The following ASXL2 variants were observed in gnomAD, a reference collection of about 807,000 sequenced individuals.
ASXL2 encodes the protein putative Polycomb group protein ASXL2.
ASXL2 carries 23 observed loss-of-function variants against 122.0 expected under a neutral mutation model. The ratio of observed to expected loss-of-function variants is 0.19; its 90% CI spans 0.14 to 0.27. The LOEUF (loss-of-function observed/expected upper bound fraction) is 0.27. ASXL2 is among the 10% of genes least tolerant of loss of function. The probability of loss-of-function intolerance (pLI) is 1.00; values close to 1 mark genes in which losing one functional copy is unlikely to be tolerated. For missense variants in ASXL2, 1,518 were observed against 1,713.8 expected, an observed-to-expected ratio of 0.89 and a Z score of 2.02; for synonymous variants, 650 against 637.0, an observed-to-expected ratio of 1.02 and a Z score of -0.31.
chr2:25,877,545 G>A (rs1358800490), intron 1 of ASXL2, among the ~76,000 whole-genome samples: 1 of 151,092 alleles, frequency 6.6e-6, no homozygotes, highest in African/African-American at 2.5e-5. Flanking sequence ...AGGTCTCTAC[G>A]GAAACAGGAA....
intron 1 of ASXL2, among the ~76,000 whole-genome samples, chr2:25,866,899 A>AT (rs888834950): frequency 5.5e-5 from 8 of 146,422 alleles, no homozygotes; most frequent in East Asian, 2.0e-4. Context: ...CGTCCAGCTA[A>AT]TTTTTTTTTT....
chr2:25,818,326 T>G (rs981670073), intron 3 of ASXL2, among the ~76,000 whole-genome samples: 1 of 152,120 alleles, frequency 6.6e-6, no homozygotes, highest in Non-Finnish European at 1.5e-5. Context: ...CTGGCCAAAA[T>G]GGCGAAACCC....
intron 1 of ASXL2, among the ~76,000 whole-genome samples, chr2:25,861,450 CA>C (rs1221885534): frequency 6.6e-6 from 1 of 152,198 alleles, no homozygotes; most frequent in African/African-American, 2.4e-5. Context: ...TATCATCTAT[CA>C]AAGAAACTGA....
rs950847836 is a variant in ASXL2, at chr2:25,741,869, G to A, written c.*160C>T. 2.9e-5 allele frequency: 20 copies of A among 693,486 alleles called. No individual in the cohort carries two copies. The highest frequency in any genetic ancestry group is 5.5e-5 in the East Asian group (2 of 36,588). The allele number at this position is 693,486 out of a possible 1,614,324, so 43.0% of individuals were successfully genotyped here. On this transcript the variant is annotated 3_prime_UTR_variant, in exon 13 of 13. Coordinates refer to ENST00000435504, the MANE Select transcript of ASXL2 (RefSeq NM_018263.6). ...ATACAAGGTGCTCTTCCTCTAAAAT[G>A]TAAAAAATCTGTACTTTGTATTCCT...
At chr2:25,855,899 A>T (rs1320258097) in intron 1 of ASXL2, among the ~76,000 whole-genome samples, 2 of 148,918 alleles carry the variant, frequency 1.3e-5, no homozygotes. Flanking sequence ...TTATTTATTT[A>T]TTTATTTATT....
At chr2:25,803,962 T>A (rs1430473017) in intron 4 of ASXL2, among the ~76,000 whole-genome samples, 2 of 152,082 alleles carry the variant, frequency 1.3e-5, no homozygotes, top group African/African-American at 4.8e-5. Flanking sequence ...TAACGGTGTA[T>A]GAGAATAGGG....
rs2149153359 is a variant in ASXL2 at position 25,768,819 on chromosome 2, C to T, written c.554G>A (p.Ser185Asn). The change falls in exon 7 of 13, where the codon AGC becomes AAC. Residue 185 changes from serine (S) to asparagine (N), a missense_variant. Coordinates refer to ENST00000435504, the MANE Select transcript of ASXL2 (RefSeq NM_018263.6). Reference protein sequence around the residue: ...QKKQQQQCRPSISISSNQHLS... With the variant: ...QKKQQQQCRPNISISSNQHLS... ...ATGCTGGTTGGAGGAGATGGATATG[C>T]TTGGCCTGCATTGCTGCTGCTGCTT... 4.3e-6 allele frequency: 7 copies of T among 1,613,812 alleles called. No homozygotes were observed. The highest frequency in any genetic ancestry group is 5.9e-6 in the Non-Finnish European group (7 of 1,179,766).
At chr2:25,829,289 T>TACACACACACACAC (rs148405440) in intron 3 of ASXL2, among the ~76,000 whole-genome samples, 6 of 145,614 alleles carry the variant, frequency 4.1e-5, no homozygotes, top group Admixed American at 1.4e-4. Flanking sequence ...CACATACACA[T>TACACACACACACAC]ACACACACAC....
chr2:25,806,991 T>A (rs2089092187), intron 3 of ASXL2, among the ~76,000 whole-genome samples: 1 of 152,012 alleles, frequency 6.6e-6, no homozygotes, highest in South Asian at 2.1e-4. Flanking sequence ...TTTAAAATAG[T>A]GCTATAATAC....
intron 5 of ASXL2, among the ~76,000 whole-genome samples, chr2:25,793,470 G>A (rs1351184739): frequency 4.6e-5 from 7 of 152,256 alleles, no homozygotes; most frequent in African/African-American, 1.7e-4. Context: ...AGATGCATTT[G>A]AGTTAAAAGC....
rs550331867 is a variant in ASXL2 at position 25,739,457 on chromosome 2, G to C, written c.*2572C>G. ...CTGTGTTGAAACCAACTGATAAATA[G>C]ACTGGTATTCAAGTTACTACCCAAC... On this transcript the variant is annotated 3_prime_UTR_variant, in exon 13 of 13. Coordinates refer to ENST00000435504, the MANE Select transcript of ASXL2 (RefSeq NM_018263.6). 8.3e-5 allele frequency: 15 copies of C among 181,296 alleles called. No homozygotes were observed. Among genetic ancestry groups the C allele is most frequent in the Non-Finnish European group, 8.2e-5 (7 of 85,212 alleles). 11.2% of individuals were successfully genotyped at this position (181,296 alleles called of 1,614,324 possible).
At chr2:25,827,213 G>C (rs947098687) in intron 3 of ASXL2, among the ~76,000 whole-genome samples, 2 of 151,904 alleles carry the variant, frequency 1.3e-5, no homozygotes, top group South Asian at 4.2e-4. Flanking sequence ...TATCCACTTA[G>C]ACATATATCT....
At position 25,799,520 on chromosome 2, in the gene ASXL2, C is replaced by T. The variant is rs1352545054; in HGVS notation, c.268G>A (p.Gly90Arg). Reference protein sequence around the residue: ...VYTLKKDVPDGVKELSEGSEE... With the variant: ...VYTLKKDVPDRVKELSEGSEE... ...GAACCTTCTGACAGCTCTTTCACCC[C>T]ATCCGGCACATCTTTCTGAAAATGT... is the stretch of plus-strand genomic sequence containing the variant. Residue 90 changes from glycine to arginine, a missense_variant, in exon 5 of 13, where the codon GGG becomes AGG. This residue lies in a region of ASXL2 where 198 missense variants were observed against 209.0 expected (regional missense o/e 0.95). Coordinates refer to ENST00000435504, the MANE Select transcript of ASXL2 (RefSeq NM_018263.6). The T allele has an allele frequency of 1.2e-6, 2 of 1,611,346 alleles. No homozygotes were observed. The highest frequency in any genetic ancestry group is 3.4e-5 in the Admixed American group (2 of 59,430).
intron 5 of ASXL2, among the ~76,000 whole-genome samples, chr2:25,794,380 AAGGC>A (rs1455723074): frequency 3.3e-4 from 50 of 152,352 alleles, no homozygotes; most frequent in Middle Eastern, 3.4e-3. Flanking sequence ...TTTTGGGGAA[AAGGC>A]AGAGACTTCA....
At chr2:25,867,880 G>A (rs1285813275) in intron 1 of ASXL2, among the ~76,000 whole-genome samples, 1 of 152,102 alleles carries the variant, frequency 6.6e-6, no homozygotes, top group African/African-American at 2.4e-5. Flanking sequence ...CATCGTCCTA[G>A]AATACCCAAG....
At chr2:25,747,630 G>A (rs1240860000) in intron 12 of ASXL2, among the ~76,000 whole-genome samples, 1 of 152,190 alleles carries the variant, frequency 6.6e-6, no homozygotes, top group Non-Finnish European at 1.5e-5. Context: ...CTGTTTACAG[G>A]TGAGAAAATA....
chr2:25,819,185 G>A (rs913358833), intron 3 of ASXL2, among the ~76,000 whole-genome samples: 1 of 152,256 alleles, frequency 6.6e-6, no homozygotes, highest in Non-Finnish European at 1.5e-5. Flanking sequence ...CCTGACCAAC[G>A]CTCTGCTGCA....
chr2:25,769,599 A>C (rs1423625197), intron 6 of ASXL2, among the ~76,000 whole-genome samples: 2 of 152,154 alleles, frequency 1.3e-5, no homozygotes, highest in East Asian at 1.9e-4. Context: ...ACAGAAAAAA[A>C]CAAGAAATAC....
rs149218142 is a variant in ASXL2 at position 25,770,857 on chromosome 2, T to C, written c.504+583A>G. ...ACAAACCTGAAAAATTCAATACCTA[T>C]TCATGATTTTAAAACACATATACAA... On this transcript the variant is annotated intron_variant, in intron 6 of 12. Coordinates refer to ENST00000435504, the MANE Select transcript of ASXL2 (RefSeq NM_018263.6). 6.3e-4 allele frequency among the ~76,000 whole-genome samples: 96 copies of C among 152,272 alleles called. No homozygotes were observed. The East Asian group carries it at 0.014, about 22-fold the overall frequency.
Sources: allele counts gnomAD v4.1 joint callset (sites outside exome capture counted in the v4.1 genomes callset), GRCh38; gene constraint gnomAD v4.1.1; regional missense constraint gnomAD v4.1.1; transcripts MANE v1.5; gene names NCBI Gene and HGNC (gene_info 2026-07-23, HGNC 2026-07-21).